Variants in TOM1L1 observed in about 807,000 individuals in gnomAD.
TOM1L1 encodes TOM1-like protein 1.
Under a neutral mutation model 63.4 loss-of-function variants are expected in TOM1L1, and 64 were observed. The ratio of observed to expected loss-of-function variants is 1.01; its 90% CI spans 0.83 to 1.24. The LOEUF (loss-of-function observed/expected upper bound fraction) is 1.24, where lower values mean the gene tolerates loss of function less well. Ranked by LOEUF, TOM1L1 falls within the 50% of genes most tolerant of loss-of-function variation. The pLI is 0.00. For missense variants in TOM1L1, 536 were observed against 567.0 expected (o/e 0.95, Z 0.55); for synonymous variants, 166 against 194.4 (o/e 0.85, Z 1.22).
At chr17:54,934,034 A>G (rs1338452560) in intron 8 of TOM1L1, among the ~76,000 whole-genome samples, 1 of 152,220 alleles carries the variant, frequency 6.6e-6, no homozygotes, top group Non-Finnish European at 1.5e-5. Flanking sequence ...AAGGGGCTAG[A>G]GGAATAGTCA....
chr17:54,953,076 T>C (rs1046367796), intron 14 of TOM1L1: 1 of 152,278 alleles, frequency 6.6e-6, no homozygotes, highest in Non-Finnish European at 1.5e-5. Context: ...GGCTACAGTG[T>C]TGATCAAAAA....
chr17:54,930,619 C>A (rs1159282257), intron 8 of TOM1L1, among the ~76,000 whole-genome samples: 1 of 152,136 alleles, frequency 6.6e-6, no homozygotes, highest in Admixed American at 6.5e-5. Flanking sequence ...GTGGGCAGAT[C>A]ATTTGAGGTC....
intron 14 of TOM1L1, chr17:54,952,391 A>C (rs2049277449): frequency 6.6e-6 from 1 of 152,034 alleles, no homozygotes; most frequent in Admixed American, 6.6e-5. Context: ...TACTAAAAAT[A>C]CAAAAATTAG....
At chr17:54,960,738 C>A in intron 15 of TOM1L1, 111 bp downstream of exon 15, 1 of 773,388 alleles carries the variant, frequency 1.3e-6, no homozygotes, top group Non-Finnish European at 2.2e-6. Flanking sequence ...GAGTCTGACA[C>A]TTTGAAATAT....
At chr17:54,952,804 C>T (rs2049303359) in intron 14 of TOM1L1, 1 of 152,254 alleles carries the variant, frequency 6.6e-6, no homozygotes, top group Non-Finnish European at 1.5e-5. Flanking sequence ...GGAACTAGGG[C>T]CAGCATGGCA....
At chr17:54,957,214 G>A (rs1272700144) in intron 14 of TOM1L1, 4 of 152,084 alleles carry the variant, frequency 2.6e-5, no homozygotes, top group African/African-American at 9.7e-5. Flanking sequence ...TGATATTCTG[G>A]TCCCTGGTTT....
intron 7 of TOM1L1, among the ~76,000 whole-genome samples, chr17:54,922,866 T>A (rs945477219): frequency 2.0e-5 from 3 of 152,180 alleles, no homozygotes; most frequent in Non-Finnish European, 4.4e-5. Context: ...ACATTTTCAT[T>A]ACCCCAAAAG....
chr17:54,957,501 G>A (rs145567855), intron 14 of TOM1L1: 187 of 152,230 alleles, frequency 1.2e-3, no homozygotes, highest in African/African-American at 4.2e-3. Flanking sequence ...ATGTTGATAC[G>A]GCAGTGTCAC....
At chr17:54,913,331 T>A (rs982609231) in intron 4 of TOM1L1, among the ~76,000 whole-genome samples, 1 of 152,188 alleles carries the variant, frequency 6.6e-6, no homozygotes, top group African/African-American at 2.4e-5. Context: ...CTGAGTGGGG[T>A]ACATAATTAT....
At chr17:54,942,602 GAT>G (rs1363916697) in intron 11 of TOM1L1, 2 of 152,136 alleles carry the variant, frequency 1.3e-5, no homozygotes, top group African/African-American at 4.8e-5. Context: ...ATTTAAATGG[GAT>G]TCAAAATCAA....
chr17:54,938,847 T>C, intron 10 of TOM1L1, 77 bp from the exon 11 acceptor site: 1 of 699,318 alleles, frequency 1.4e-6, no homozygotes, highest in Non-Finnish European at 2.3e-6. Context: ...TCTTTTTTTT[T>C]GTTTTTACTG....
chr17:54,912,569 A>G, intron 3 of TOM1L1, 97 bp from the exon 4 acceptor site: 1 of 996,826 alleles, frequency 1.0e-6, no homozygotes, highest in Non-Finnish European at 1.4e-6. Context: ...GTTAATTAGG[A>G]TGCTGATGGA....
chr17:54,920,007 T>TTTA lies in TOM1L1; in HGVS notation c.720+4147_720+4148insATT, dbSNP rs1555609072. On this transcript the variant is annotated intron_variant, in intron 7 of 15. Coordinates refer to ENST00000575882, the MANE Select transcript of TOM1L1 (RefSeq NM_005486.3). ...ATTGATTTATTTATTTATTTATTTA[T>TTTA]TTTATTTATTCATTTTTTCCCCCTC... is the stretch of plus-strand genomic sequence containing the variant. Among the ~76,000 whole-genome samples the TTTA allele has an allele frequency of 2.0e-4, 26 of 127,070 alleles. No homozygotes were observed. In the East Asian group the frequency reaches 4.1e-3, roughly 20 times the overall value. The allele number at this position is 127,070 out of a possible 152,430, so 83.4% of individuals were successfully genotyped here.
chr17:54,954,086 CA>C (rs1340540936), intron 14 of TOM1L1: 2 of 152,080 alleles, frequency 1.3e-5, no homozygotes, highest in Non-Finnish European at 2.9e-5. Flanking sequence ...ACTGGGGTCC[CA>C]GTTTGGGTTG....
chr17:54,921,644 A>T lies in TOM1L1; in HGVS notation c.720+5782A>T, dbSNP rs535629824. On this transcript the variant is annotated intron_variant, in intron 7 of 15. Transcript: ENST00000575882. ...TCCCAGCTACTCAGGAGACTGAGGC[A>T]CGAGAATGGCTTGAACCCGGAGGTT... Among the ~76,000 whole-genome samples, 225 of 152,286 alleles carry T rather than the reference A, an allele frequency of 1.5e-3. 8 individuals are homozygous for T. In the South Asian group the frequency reaches 0.045, roughly 31 times the overall value.
At chr17:54,906,375 A>G (rs2048409819) in intron 3 of TOM1L1, among the ~76,000 whole-genome samples, 1 of 151,850 alleles carries the variant, frequency 6.6e-6, no homozygotes. Context: ...AGTCTGAGAC[A>G]GGAGAATTGC....
rs143849719 is a variant in TOM1L1 at position 54,940,196 on chromosome 17, C to A, written c.1130+1176C>A. Among the ~76,000 whole-genome samples the A allele has an allele frequency of 9.9e-3, 1,505 of 152,262 alleles. 11 individuals carry two copies. Among genetic ancestry groups the A allele is most frequent in the Non-Finnish European group, 0.017 (1,133 of 68,022 alleles). On this transcript the variant is annotated intron_variant, in intron 11 of 15. Coordinates refer to ENST00000575882, the MANE Select transcript of TOM1L1 (RefSeq NM_005486.3). ...CAAGATGTGAGCTACTGCACCCAGC[C>A]ATCAGGTTTTCTGATAGTCCAATAT...
Position 54,930,207 on chromosome 17 carries a change from G to T in TOM1L1, c.854+1G>T. ...ATAATGCTATCCTTGGATATGAGAG[G>T]TGAGCAGATCATGTACCCTCTTTAC... On this transcript the variant is annotated splice_donor_variant, in intron 8 of 15. Coordinates refer to ENST00000575882, the MANE Select transcript of TOM1L1 (RefSeq NM_005486.3). LOFTEE classifies it high-confidence loss of function. 1 of 1,614,030 alleles carries T rather than the reference G, an allele frequency of 6.2e-7. No individual in the cohort carries two copies. Among genetic ancestry groups the T allele is most frequent in the South Asian group, 1.1e-5 (1 of 91,062 alleles).
chr17:54,956,956 A>C (rs1349409108), intron 14 of TOM1L1: 1 of 152,234 alleles, frequency 6.6e-6, no homozygotes, highest in Non-Finnish European at 1.5e-5. Context: ...AAGCTATAGC[A>C]TCTCCCAGGG....
Sources: gnomAD v4.1 joint callset for allele counts (sites outside exome capture counted in the v4.1 genomes callset) on GRCh38, gnomAD v4.1.1 for gene constraint, MANE v1.5 for transcripts, NCBI Gene and HGNC (gene_info 2026-07-23, HGNC 2026-07-21) for gene names.